SULT4A1: variants seen among roughly 807,000 people sequenced by gnomAD.
The protein encoded by SULT4A1 is sulfotransferase 4A1.
In SULT4A1, 11 loss-of-function variants were observed where a neutral mutation model predicts 35.2. That is an observed-to-expected ratio of 0.31 (90% CI 0.20 to 0.52). The LOEUF (loss-of-function observed/expected upper bound fraction) is 0.52. Ranked by LOEUF, SULT4A1 falls within the 20% of genes least tolerant of loss-of-function variation. SULT4A1 has a pLI of 0.97. For missense variants in SULT4A1, 271 were observed against 383.7 expected (o/e 0.71, Z 2.45); for synonymous variants, 152 against 151.8 (o/e 1.00, Z -0.01).
intron 2 of SULT4A1, 49 bp from the exon 3 acceptor site, chr22:43,840,074 A>G: frequency 1.9e-6 from 2 of 1,026,992 alleles, no homozygotes; most frequent in Non-Finnish European, 1.4e-6. Flanking sequence ...GGTGAGACCA[A>G]GGGGAGGAGT....
chr22:43,826,822 C>G, intron 6 of SULT4A1: 1 of 985,390 alleles, frequency 1.0e-6, no homozygotes, highest in Non-Finnish European at 1.2e-6. Flanking sequence ...TTCCCTGAGT[C>G]AACAATAAAA....
chr22:43,843,883 A>C (rs1476597146), intron 1 of SULT4A1, among the ~76,000 whole-genome samples: 4 of 152,200 alleles, frequency 2.6e-5, no homozygotes, highest in Non-Finnish European at 4.4e-5. Context: ...TGCGAACCCC[A>C]ATTTATAGCC....
Position 43,825,939 on chromosome 22 carries a change from A to G in SULT4A1, c.*62T>C. 1 of 1,502,722 alleles carries G rather than the reference A, an allele frequency of 6.7e-7. No individual in the cohort carries two copies. Among genetic ancestry groups the G allele is most frequent in the Non-Finnish European group, 9.2e-7 (1 of 1,087,444 alleles). 93.1% of individuals were successfully genotyped at this position (1,502,722 alleles called of 1,614,324 possible). On this transcript the variant is annotated 3_prime_UTR_variant, in exon 7 of 7. Transcript: ENST00000330884. Reference sequence around the variant, plus strand: ...TCCAGCAAGGAATAAATGAATGCATACAGGACTTTTGGCTAGTAGACTGTC... The same window carrying G: ...TCCAGCAAGGAATAAATGAATGCATGCAGGACTTTTGGCTAGTAGACTGTC...
intron 1 of SULT4A1, among the ~76,000 whole-genome samples, chr22:43,849,206 T>C (rs2063495311): frequency 1.3e-5 from 2 of 152,148 alleles, no homozygotes; most frequent in South Asian, 4.1e-4. Flanking sequence ...CAGAATGGCC[T>C]GGAAACCACT....
Position 43,834,223 on chromosome 22 carries a change from G to A in SULT4A1, c.509-489C>T, listed in dbSNP as rs561051262. 1.1e-4 allele frequency among the ~76,000 whole-genome samples: 16 copies of A among 152,230 alleles called. 1 individual carries two copies. Among genetic ancestry groups the A allele is most frequent in the African/African-American group, 3.9e-4 (16 of 41,514 alleles). ...GAACTCTCCATGGGACCTGAAAGCT[G>A]AAGACGGGCAGGGAGTCCTGTCCTG... On this transcript the variant is annotated intron_variant, in intron 4 of 6. Coordinates refer to ENST00000330884, the MANE Select transcript of SULT4A1 (RefSeq NM_014351.4).
rs773413799 is a variant in SULT4A1 at position 43,829,208 on chromosome 22, A to G, written c.604-10T>C. 3.9e-6 allele frequency: 6 copies of G among 1,553,326 alleles called. No individual in the cohort carries two copies. Among genetic ancestry groups the G allele is most frequent in the South Asian group, 3.6e-5 (3 of 82,990 alleles). On this transcript the variant is annotated splice_polypyrimidine_tract_variant and intron_variant, in intron 5 of 6. Transcript: ENST00000330884. Reference sequence around the variant, plus strand: ...CCATCGTCACCAGGTCCTGGAAGACAAGTGCAGAGAGCAGAGCAGCCCATC... The same window carrying G: ...CCATCGTCACCAGGTCCTGGAAGACGAGTGCAGAGAGCAGAGCAGCCCATC...
At chr22:43,861,667 A>AG (rs1223492657) in intron 1 of SULT4A1, among the ~76,000 whole-genome samples, 1 of 152,226 alleles carries the variant, frequency 6.6e-6, no homozygotes, top group African/African-American at 2.4e-5. Context: ...CTGAAACAAG[A>AG]GAATGTACAA....
chr22:43,827,714 AGG>A (rs2063297645), intron 6 of SULT4A1: 3 of 1,129,572 alleles, frequency 2.7e-6, no homozygotes, highest in Non-Finnish European at 3.7e-6. Flanking sequence ...ACCCAAGGGA[AGG>A]AGCATATGGG....
At chr22:43,830,731 A>G (rs2063319412) in intron 5 of SULT4A1, among the ~76,000 whole-genome samples, 1 of 152,186 alleles carries the variant, frequency 6.6e-6, no homozygotes, top group African/African-American at 2.4e-5. Context: ...GGTGCCTGGC[A>G]CAGTGCCCGG....
intron 5 of SULT4A1, among the ~76,000 whole-genome samples, chr22:43,830,847 A>T (rs771428576): frequency 1.3e-5 from 2 of 152,200 alleles, no homozygotes; most frequent in Non-Finnish European, 2.9e-5. Context: ...ACATGGACCC[A>T]CACCACAGTC....
At chr22:43,846,498 A>G (rs752804305) in intron 1 of SULT4A1, among the ~76,000 whole-genome samples, 5 of 152,226 alleles carry the variant, frequency 3.3e-5, no homozygotes, top group Admixed American at 6.5e-5. Flanking sequence ...CTGCATAGAC[A>G]CTGAGTAATC....
chr22:43,847,396 A>G (rs1184589886), intron 1 of SULT4A1, among the ~76,000 whole-genome samples: 1 of 152,268 alleles, frequency 6.6e-6, no homozygotes, highest in Non-Finnish European at 1.5e-5. Context: ...CTAGCTCTGC[A>G]AGGCCCTCTG....
intron 2 of SULT4A1, among the ~76,000 whole-genome samples, chr22:43,840,279 G>A (rs1469341583): frequency 6.6e-6 from 1 of 151,276 alleles, no homozygotes; most frequent in African/African-American, 2.4e-5. Flanking sequence ...GTGGGGGCCA[G>A]GGGAGAACGG....
At position 43,839,160 on chromosome 22, in the gene SULT4A1, G is replaced by A. The variant is rs565615012; in HGVS notation, c.382-167C>T. ...CACGGCTGCTGGGTGCTGCTGCTTC[G>A]CTGTTTCAGCAGAAAGGTGCCCTGT... On this transcript the variant is annotated intron_variant, in intron 3 of 6. Coordinates refer to ENST00000330884, the MANE Select transcript of SULT4A1 (RefSeq NM_014351.4). Among the ~76,000 whole-genome samples, 71 of 152,368 alleles carry A rather than the reference G, an allele frequency of 4.7e-4. No individual in the cohort carries two copies. In the Middle Eastern group the frequency reaches 0.031, roughly 66 times the overall value.
intron 2 of SULT4A1, among the ~76,000 whole-genome samples, chr22:43,840,952 C>G (rs2063422326): frequency 6.6e-6 from 1 of 152,142 alleles, no homozygotes. Context: ...ACTGCTGGTC[C>G]CCCCCTGATC....
intron 3 of SULT4A1, 52 bp downstream of exon 3, chr22:43,839,893 G>A (rs1334205270): frequency 7.2e-6 from 11 of 1,532,026 alleles, no homozygotes; most frequent in Non-Finnish European, 9.8e-6. Context: ...AGGGACCTTG[G>A]GCTCCTCTTG....
rs867887276 is a variant in SULT4A1, at chr22:43,826,782, C to A, written c.743-669G>T. 44 of 985,306 alleles carry A rather than the reference C, an allele frequency of 4.5e-5. No homozygotes were observed. In the African/African-American group the frequency reaches 6.3e-4, roughly 14 times the overall value. 61.0% of individuals were successfully genotyped at this position (985,306 alleles called of 1,614,324 possible). A position where few individuals can be genotyped will look rare whatever the true frequency, so the allele number is the denominator to read the frequency against. On this transcript the variant is annotated intron_variant, in intron 6 of 6. Transcript: ENST00000330884. ...TCGCAGCATTAGCTAGCTTTACAGA[C>A]TAGATGCAAAACATGCACTGCAGTG...
chr22:43,846,763 G>C lies in SULT4A1; in HGVS notation c.170-4831C>G, dbSNP rs1211454881. Among the ~76,000 whole-genome samples, 3 of 152,356 alleles carry C rather than the reference G, an allele frequency of 2.0e-5. No individual in the cohort carries two copies. The South Asian group carries it at 6.2e-4, about 32-fold the overall frequency. On this transcript the variant is annotated intron_variant, in intron 1 of 6. Coordinates refer to ENST00000330884, the MANE Select transcript of SULT4A1 (RefSeq NM_014351.4). ...GTGGCTGCCTTGCCTGTTCCTCCTG[G>C]TGAGGACCATCCACCCAGCAGCTCA...
At position 43,860,823 on chromosome 22, in the gene SULT4A1, C is replaced by G. The variant is rs565372529; in HGVS notation, c.169+1391G>C. 1.1e-3 allele frequency among the ~76,000 whole-genome samples: 169 copies of G among 152,270 alleles called. 3 individuals carry two copies. The highest frequency in any genetic ancestry group is 3.6e-3 in the African/African-American group (151 of 41,552). ...GCTAGGTCCCCCTCCTTCTTGGGCC[C>G]TCACGGTTTTCCAAGGGCAACGGAG... is the stretch of plus-strand genomic sequence containing the variant. On this transcript the variant is annotated intron_variant, in intron 1 of 6. Transcript: ENST00000330884.
Sources: allele counts gnomAD v4.1 joint callset (sites outside exome capture counted in the v4.1 genomes callset), GRCh38; gene constraint gnomAD v4.1.1; transcripts MANE v1.5; gene names NCBI Gene and HGNC (gene_info 2026-07-23, HGNC 2026-07-21).